The following FASN variants were observed in gnomAD, a reference collection of about 807,000 sequenced individuals.
FASN encodes the protein fatty acid synthase, also known as 3-hydroxyacyl-[acyl-carrier-protein] dehydratase.
FASN carries 50 observed loss-of-function variants against 250.0 expected under a neutral mutation model. The observed-to-expected ratio is 0.20, with a 90% CI of 0.16 to 0.25. The LOEUF (loss-of-function observed/expected upper bound fraction) is 0.25, where lower values mean the gene tolerates loss of function less well. Ranked by LOEUF, FASN falls within the 10% of genes least tolerant of loss-of-function variation. The probability of loss-of-function intolerance (pLI) is 1.00; values close to 1 mark genes in which losing one functional copy is unlikely to be tolerated. For synonymous variants in FASN, 1,909 were observed against 1,584.0 expected (o/e 1.21, Z -4.87); for missense variants, 3,031 against 3,498.5 (o/e 0.87, Z 3.37).
Position 82,084,556 on chromosome 17 carries a change from G to A in FASN, c.4725C>T (p.Asp1575=), listed in dbSNP as rs1440999990. ...TVYYASLNFR[D]IMLATGKLSP... is the part of the protein sequence containing the mutation. The stretch of plus-strand genomic sequence containing the variant: ...ACAGCTTGCCAGTGGCCAGCATGAT[G>A]TCGCGGAAGTTGAGGGAGGCGTAGT... The change falls in exon 27 of 43, where the codon GAC becomes GAT. Residue 1575 remains aspartate, a synonymous_variant. Transcript: ENST00000306749. 1.2e-6 allele frequency: 2 copies of A among 1,611,848 alleles called. No individual in the cohort carries two copies. The highest frequency in any genetic ancestry group is 1.3e-5 in the African/African-American group (1 of 75,058).
Position 82,086,353 on chromosome 17 carries a change from C to G in FASN, c.3633G>C (p.Glu1211Asp), listed in dbSNP as rs759994870. Residue 1211 changes from glutamate (E) to aspartate (D), a missense_variant, in exon 22 of 43, where the codon GAG becomes GAC. By Grantham distance (45) the Glu-to-Asp change is conservative. Transcript: ENST00000306749. ...CCAGGAGGCCGCTGAGCAGAGGGTC[C>G]TCTGGCAGCTTGGGCCTCTCCTGGG... ...VLAQERPKLP[E>D]DPLLSGLLDS... 17 of 1,608,300 alleles carry G rather than the reference C, an allele frequency of 1.1e-5. No individual in the cohort carries two copies. The Admixed American group carries it at 2.3e-4, about 22-fold the overall frequency.
chr17:82,089,152 T>C lies in FASN; in HGVS notation c.2121A>G (p.Pro707=), dbSNP rs1178029597. 1 of 1,572,360 alleles carries C rather than the reference T, an allele frequency of 6.4e-7. No homozygotes were observed. The highest frequency in any genetic ancestry group is 8.6e-7 in the Non-Finnish European group (1 of 1,159,170). The stretch of plus-strand genomic sequence containing the variant: ...AGGTGCTGAGCCAGCGGGCTGAACG[T>C]GGCTTCGGCTCCCGGATCACCTGCA... ...ELKKVIREPK[P]RSARWLSTSI... Residue 707 remains proline (P), a synonymous_variant, in exon 14 of 43, where the codon CCA becomes CCG. Coordinates refer to ENST00000306749, the MANE Select transcript of FASN (RefSeq NM_004104.5).
At position 82,078,853 on chromosome 17, in the gene FASN, AC is replaced by A. The variant is rs2033935777; in HGVS notation, c.*289del. 5.5e-6 allele frequency: 3 copies of A among 546,156 alleles called. No homozygotes were observed. Among genetic ancestry groups the A allele is most frequent in the African/African-American group, 3.8e-5 (2 of 52,588 alleles). 33.8% of individuals were successfully genotyped at this position (546,156 alleles called of 1,614,324 possible). On this transcript the variant is annotated 3_prime_UTR_variant, in exon 43 of 43. Coordinates refer to ENST00000306749, the MANE Select transcript of FASN (RefSeq NM_004104.5). The surrounding 1 kb of genome is among the most constrained non-coding windows in gnomAD (Gnocchi z 5.4). ...CCAAGCACAGAAAGACCAAGCGCAG[AC>A]CCCACGGGCGCACGAGGCCCAGCCC...
Position 82,080,904 on chromosome 17 carries a change from G to A in FASN, c.6614C>T (p.Pro2205Leu), listed in dbSNP as rs964806081. ...DEASELACPT[P>L]KEDGLAQQQT... ...CTGCTGGGCCAGACCATCCTCCTTG[G>A]GCGTGGGGCATGCCAGCTCTGTGAA... The change falls in exon 39 of 43, where the codon CCC becomes CTC. Residue 2205 changes from proline to leucine, a missense_variant. Pro to Leu is a moderately conservative substitution (Grantham distance 98). Transcript: ENST00000306749. The A allele has an allele frequency of 6.2e-7, 1 of 1,609,710 alleles. No homozygotes were observed. The highest frequency in any genetic ancestry group is 8.5e-7 in the Non-Finnish European group (1 of 1,178,902).
At chr17:82,082,884 G>C (rs1312233948) in intron 33 of FASN, 30 bp downstream of exon 33, 1 of 1,609,636 alleles carries the variant, frequency 6.2e-7, no homozygotes, top group Non-Finnish European at 8.5e-7. Flanking sequence ...CCTGGCCCAG[G>C]CTGGTCCACA....
At chr17:82,095,188 G>T in intron 3 of FASN, 132 bp downstream of exon 3, 1 of 1,156,142 alleles carries the variant, frequency 8.6e-7, no homozygotes, top group Non-Finnish European at 1.3e-6. Context: ...CCGTTGGCCA[G>T]GCCAGGGGCA....
intron 10 of FASN, 67 bp downstream of exon 10, chr17:82,090,815 C>G (rs1173140728): frequency 3.3e-6 from 5 of 1,529,772 alleles, no homozygotes; most frequent in East Asian, 2.4e-5. Context: ...ACTGCAGCTC[C>G]TGGGCTCCAG....
At chr17:82,092,660 A>G (rs768839297) in intron 7 of FASN, 37 bp downstream of exon 7, 7 of 1,080,588 alleles carry the variant, frequency 6.5e-6, no homozygotes, top group Middle Eastern at 2.7e-4. Context: ...GGTTAGGCTC[A>G]TGGGGTGGTG....
At chr17:82,088,712 C>A (rs774405842) in intron 15 of FASN, 49 bp downstream of exon 15, 2 of 1,562,684 alleles carry the variant, frequency 1.3e-6, no homozygotes, top group South Asian at 2.2e-5. Context: ...ACCCACCCCA[C>A]GCCGTCCCCG....
Position 82,081,610 on chromosome 17 carries a change from G to T in FASN, c.6397C>A (p.His2133Asn), listed in dbSNP as rs368513511. 6.2e-7 allele frequency: 1 copy of T among 1,612,488 alleles called. No individual in the cohort carries two copies. The highest frequency in any genetic ancestry group is 8.5e-7 in the Non-Finnish European group (1 of 1,179,990). Residue 2133 changes from histidine (H) to asparagine (N), a missense_variant, in exon 37 of 43, where the codon CAC becomes AAC. Coordinates refer to ENST00000306749, the MANE Select transcript of FASN (RefSeq NM_004104.5). ...SQRDLVEAVA[H>N]ILGIRDLAAV... Reference sequence around the variant, plus strand: ...TACTGGGAGTGCTCACCCAGGATGTGTGCCACGGCCTCCACCAGGTCCCGC... The same window carrying T: ...TACTGGGAGTGCTCACCCAGGATGTTTGCCACGGCCTCCACCAGGTCCCGC...
At position 82,089,738 on chromosome 17, in the gene FASN, C is replaced by G; in HGVS notation, c.1871-12G>C. 1.9e-6 allele frequency: 3 copies of G among 1,580,226 alleles called. No homozygotes were observed. The highest frequency in any genetic ancestry group is 2.3e-5 in the East Asian group (1 of 43,148). Reference sequence around the variant, plus strand: ...CTCCCAGGACAAGCCTATGGCAGAGCCAGCCTCAGAGGCTTAGCGTGGACA... The same window carrying G: ...CTCCCAGGACAAGCCTATGGCAGAGGCAGCCTCAGAGGCTTAGCGTGGACA... On this transcript the variant is annotated splice_polypyrimidine_tract_variant and intron_variant, in intron 11 of 42. Transcript: ENST00000306749.
rs545154070 is a variant in FASN, at chr17:82,095,599, C to T, written c.128-127G>A. The T allele has an allele frequency of 1.4e-4, 165 of 1,179,402 alleles. No individual in the cohort carries two copies. The African/African-American group carries it at 1.7e-3, about 12-fold the overall frequency. 73.1% of individuals were successfully genotyped at this position (1,179,402 alleles called of 1,614,324 possible). A position where few individuals can be genotyped will look rare whatever the true frequency, so the allele number is the denominator to read the frequency against. On this transcript the variant is annotated intron_variant, in intron 2 of 42. Coordinates refer to ENST00000306749, the MANE Select transcript of FASN (RefSeq NM_004104.5). ...GACTCTCTGCTATGCCTGGGAGGCC[C>T]AAACAATGGAGCAGGCTCCCCAGGA...
chr17:82,088,437 T>C lies in FASN; in HGVS notation c.2546A>G (p.Asp849Gly). 6.2e-7 allele frequency: 1 copy of C among 1,611,606 alleles called. No homozygotes were observed. The highest frequency in any genetic ancestry group is 1.3e-5 in the African/African-American group (1 of 74,984). The change falls in exon 16 of 43, where the codon GAC (aspartate) becomes GGC (glycine). Residue 849 changes from aspartate to glycine, a missense_variant. Transcript: ENST00000306749. ...SLAWDVPAAE[D>G]FPNGSGSPSA... The stretch of plus-strand genomic sequence containing the variant: ...GGGGGAACCTGAACCGTTGGGGAAG[T>C]CCTCGGCGGCCGGCACGTCCCAGGC...
Position 82,085,112 on chromosome 17 carries a change from CT to C in FASN, c.4331del (p.Lys1444ArgfsTer14). On this transcript the variant is annotated frameshift_variant, in exon 25 of 43. Transcript: ENST00000306749. LOFTEE classifies it high-confidence loss of function. ...CGCCCGAGGTGGCACAGTTGATGGCCTTCAGCCACACAGGCCGGGAAGAGTC... is the reference window on the plus strand; with the variant it reads ...CGCCCGAGGTGGCACAGTTGATGGCCTCAGCCACACAGGCCGGGAAGAGTC... ...DEDSSRPVWL[K>X]AINCATSGVV... is the part of the protein sequence containing the mutation. The C allele has an allele frequency of 6.2e-7, 1 of 1,612,654 alleles. No individual in the cohort carries two copies. The highest frequency in any genetic ancestry group is 8.5e-7 in the Non-Finnish European group (1 of 1,179,938).
rs775171713 is a variant in FASN at position 82,083,364 on chromosome 17, G to A, written c.5403C>T (p.Asn1801=). ...CCTCCCGCCAGTCAGCACTGCTCTCGTTGAAGAACGCATCCAGTAGGACCC... is the reference window on the plus strand; with the variant it reads ...CCTCCCGCCAGTCAGCACTGCTCTCATTGAAGAACGCATCCAGTAGGACCC... The part of the protein sequence containing the change: ...FHGVLLDAFF[N]ESSADWREVW... Residue 1801 remains asparagine (N), a synonymous_variant, in exon 32 of 43, where the codon AAC becomes AAT. Coordinates refer to ENST00000306749, the MANE Select transcript of FASN (RefSeq NM_004104.5). 2.3e-5 allele frequency: 37 copies of A among 1,612,702 alleles called. No homozygotes were observed. Among genetic ancestry groups the A allele is most frequent in the African/African-American group, 5.3e-5 (4 of 74,928 alleles).
In FASN at chr17:82,092,539, G is replaced by T. The variant is rs2034229184; in HGVS notation, c.945C>A (p.Thr315=). 2.5e-6 allele frequency: 4 copies of T among 1,606,398 alleles called. No homozygotes were observed. The highest frequency in any genetic ancestry group is 3.4e-6 in the Non-Finnish European group (4 of 1,179,030). Residue 315 remains threonine, a synonymous_variant, in exon 8 of 43, where the codon ACC becomes ACA. Transcript: ENST00000306749. The part of the protein sequence containing the change: ...LNGITRALCA[T]RQEPLLIGST... The stretch of plus-strand genomic sequence containing the variant: ...AGCCGATGAGCAGCGGCTCCTGGCG[G>T]GTGGCGCACAGGGCTCGGGTGATGC...
intron 10 of FASN, 57 bp downstream of exon 10, chr17:82,090,825 G>T: frequency 6.5e-7 from 1 of 1,540,476 alleles, no homozygotes; most frequent in South Asian, 1.2e-5. Context: ...CTGGGCTCCA[G>T]GGAAAGCCAG....
In FASN at chr17:82,087,310, C is replaced by T; in HGVS notation, c.3223+15G>A. 6.2e-7 allele frequency: 1 copy of T among 1,608,706 alleles called. No homozygotes were observed. Among genetic ancestry groups the T allele is most frequent in the Non-Finnish European group, 8.5e-7 (1 of 1,178,488 alleles). On this transcript the variant is annotated intron_variant, in intron 20 of 42. Coordinates refer to ENST00000306749, the MANE Select transcript of FASN (RefSeq NM_004104.5). ...CTTGGGTGGGGGCACTGGGCTGGGG[C>T]TGGGGCGGGGCTACCTTGGGCCTTG...
chr17:82,095,252 G>C lies in FASN; in HGVS notation c.280+68C>G, dbSNP rs559222108. Reference sequence around the variant, plus strand: ...CCTGGTTCTACCAGAACCAAGAAGAGAAAACACTGCCTATTCCACGTGAGC... The same window carrying C: ...CCTGGTTCTACCAGAACCAAGAAGACAAAACACTGCCTATTCCACGTGAGC... On this transcript the variant is annotated intron_variant, in intron 3 of 42. Coordinates refer to ENST00000306749, the MANE Select transcript of FASN (RefSeq NM_004104.5). 9 of 1,561,188 alleles carry C rather than the reference G, an allele frequency of 5.8e-6. No individual in the cohort carries two copies. In the Admixed American group the frequency reaches 1.0e-4, roughly 17 times the overall value.
Sources: allele counts gnomAD v4.1 joint callset, GRCh38; gene constraint gnomAD v4.1.1; non-coding constraint Gnocchi (gnomAD v3.1); transcripts MANE v1.5; gene names NCBI Gene and HGNC (gene_info 2026-07-23, HGNC 2026-07-21).